The following LGALS1 variants were observed in gnomAD, a reference collection of about 807,000 sequenced individuals.
The protein encoded by LGALS1 is galectin 1.
A neutral mutation model predicts 14.4 loss-of-function variants in LGALS1; 14 were observed. The ratio of observed to expected loss-of-function variants is 0.97; its 90% CI spans 0.64 to 1.52. The LOEUF (loss-of-function observed/expected upper bound fraction) is 1.52, where lower values mean the gene tolerates loss of function less well. LGALS1 is among the 40% of genes most tolerant of loss of function. The probability of loss-of-function intolerance (pLI) is 0.00; values close to 1 mark genes in which losing one functional copy is unlikely to be tolerated. For synonymous variants in LGALS1, 71 were observed against 73.4 expected (o/e 0.97, Z 0.17); for missense variants, 170 against 181.4 (o/e 0.94, Z 0.36).
intron 2 of LGALS1, 131 bp downstream of exon 2, chr22:37,677,196 C>T: frequency 1.2e-6 from 1 of 869,364 alleles, no homozygotes; most frequent in Non-Finnish European, 1.8e-6. Context: ...GCTGCGTTTT[C>T]TGGGTGACTC....
Position 37,676,782 on chromosome 22 carries a change from G to C in LGALS1, c.10-204G>C, listed in dbSNP as rs1921441575. 4 of 649,720 alleles carry C rather than the reference G, an allele frequency of 6.2e-6. No homozygotes were observed. The Admixed American group carries it at 9.5e-5, about 15-fold the overall frequency. The allele number at this position is 649,720 out of a possible 1,614,324, so 40.2% of individuals were successfully genotyped here. A position where few individuals can be genotyped will look rare whatever the true frequency, so the allele number is the denominator to read the frequency against. On this transcript the variant is annotated intron_variant, in intron 1 of 3. Transcript: ENST00000215909. Reference sequence around the variant, plus strand: ...CACGTTACAGACTGAAGCCAACCCCGGTGGGAATAGGGACTTTCCCAGGAC... The same window carrying C: ...CACGTTACAGACTGAAGCCAACCCCCGTGGGAATAGGGACTTTCCCAGGAC...
intron 3 of LGALS1, 23 bp downstream of exon 3, chr22:37,678,677 G>A (rs1483302449): frequency 9.2e-7 from 1 of 1,081,486 alleles, no homozygotes; most frequent in South Asian, 1.3e-5. Flanking sequence ...CCGGAACCGG[G>A]GACCAGGGAC....
intron 1 of LGALS1, 121 bp from the exon 2 acceptor site, chr22:37,676,865 T>G: frequency 1.1e-6 from 1 of 922,704 alleles, no homozygotes; most frequent in Non-Finnish European, 1.8e-6. Context: ...GGCTTCCCCT[T>G]GGCTTGGTCA....
intron 1 of LGALS1, chr22:37,676,327 T>G (rs945018072): frequency 6.5e-6 from 1 of 152,808 alleles, no homozygotes; most frequent in Non-Finnish European, 1.5e-5. Flanking sequence ...GGGTTCAAGT[T>G]TCTGGCAGAA....
chr22:37,678,441 G>A, intron 2 of LGALS1, 42 bp from the exon 3 acceptor site: 1 of 1,609,788 alleles, frequency 6.2e-7, no homozygotes, highest in Non-Finnish European at 8.5e-7. Context: ...AGTGGGGCTG[G>A]AGCTGGCCGA....
chr22:37,676,842 A>G, intron 1 of LGALS1, 144 bp from the exon 2 acceptor site: 1 of 804,114 alleles, frequency 1.2e-6, no homozygotes, highest in South Asian at 1.5e-5. Context: ...ATTACAGCTC[A>G]ATCCTTTCCC....
intron 2 of LGALS1, chr22:37,677,302 G>A (rs1303228040): frequency 3.7e-6 from 2 of 547,264 alleles, no homozygotes; most frequent in Admixed American, 3.1e-5. Context: ...CTGCAGCCTC[G>A]TCATCTGTAA....
intron 1 of LGALS1, among the ~76,000 whole-genome samples, chr22:37,676,375 C>T (rs1040334928): frequency 6.6e-6 from 1 of 152,168 alleles, no homozygotes; most frequent in Admixed American, 6.5e-5. Flanking sequence ...CCCACCCACT[C>T]GGGGTGCCAG....
chr22:37,679,571 G>C, intron 3 of LGALS1, 32 bp from the exon 4 acceptor site: 1 of 1,549,230 alleles, frequency 6.5e-7, no homozygotes. Context: ...CATGGCATGT[G>C]GGCCCGGCTC....
chr22:37,676,033 T>C (rs1921412742), intron 1 of LGALS1: 3 of 280,668 alleles, frequency 1.1e-5, no homozygotes, highest in Non-Finnish European at 2.0e-5. Flanking sequence ...CCCAGGCCAC[T>C]ATCCCTTTCC....
In LGALS1 at chr22:37,677,058, G is replaced by A. The variant is rs758651011; in HGVS notation, c.82G>A (p.Ala28Thr). 14 of 1,613,828 alleles carry A rather than the reference G, an allele frequency of 8.7e-6. No homozygotes were observed. In the Admixed American group the frequency reaches 1.8e-4, roughly 21 times the overall value. The part of the protein sequence containing the change: ...LRVRGEVAPD[A>T]KSFVLNLGKD... Reference sequence around the variant, plus strand: ...AGTGCGAGGCGAGGTGGCTCCTGACGCTAAGAGGTGAGAAGTGAAGTCGGG... The same window carrying A: ...AGTGCGAGGCGAGGTGGCTCCTGACACTAAGAGGTGAGAAGTGAAGTCGGG... The change falls in exon 2 of 4, where the codon GCT becomes ACT. Residue 28 changes from alanine (A) to threonine (T), a missense_variant. By Grantham distance (58) the Ala-to-Thr change is moderately conservative (BLOSUM62 0). Coordinates refer to ENST00000215909, the MANE Select transcript of LGALS1 (RefSeq NM_002305.4).
Position 37,676,846 on chromosome 22 carries a change from C to T in LGALS1, c.10-140C>T, listed in dbSNP as rs1209685524. The T allele has an allele frequency of 3.7e-6, 3 of 821,570 alleles. No individual in the cohort carries two copies. In the African/African-American group the frequency reaches 5.1e-5, roughly 14 times the overall value. 50.9% of individuals were successfully genotyped at this position (821,570 alleles called of 1,614,324 possible). The stretch of plus-strand genomic sequence containing the variant: ...GGAGGCTGGAAATTACAGCTCAATC[C>T]TTTCCCCAGGCTTCCCCTTGGCTTG... On this transcript the variant is annotated intron_variant, in intron 1 of 3. Coordinates refer to ENST00000215909, the MANE Select transcript of LGALS1 (RefSeq NM_002305.4).
Position 37,678,627 on chromosome 22 carries a change from T to G in LGALS1, c.234T>G (p.Phe78Leu). ...AWGTEQREAV[F>L]PFQPGSVAEV... The stretch of plus-strand genomic sequence containing the variant: ...GGACCGAGCAGCGGGAGGCTGTCTT[T>G]CCCTTCCAGCCTGGAAGTGTTGCAG... Residue 78 changes from phenylalanine (F) to leucine (L), a missense_variant, in exon 3 of 4, where the codon TTT becomes TTG. Transcript: ENST00000215909. The G allele has an allele frequency of 3.6e-6, 5 of 1,382,058 alleles. No individual in the cohort carries two copies. Among genetic ancestry groups the G allele is most frequent in the Non-Finnish European group, 4.8e-6 (5 of 1,039,936 alleles). 85.6% of individuals were successfully genotyped at this position (1,382,058 alleles called of 1,614,324 possible).
chr22:37,678,722 T>C (rs1038906191), intron 3 of LGALS1, 68 bp downstream of exon 3: 1 of 1,439,816 alleles, frequency 6.9e-7, no homozygotes, highest in Non-Finnish European at 9.3e-7. Context: ...GCTGGGTTAG[T>C]GACTAGAGAC....
rs756425191 is a variant in LGALS1, at chr22:37,679,722, C to A, written c.381C>A (p.Phe127Leu). ...AINYMAADGD[F>L]KIKCVAFD is the part of the protein sequence containing the mutation. ...ACTACATGGCAGCTGACGGTGACTT[C>A]AAGATCAAATGTGTGGCCTTTGACT... is the stretch of plus-strand genomic sequence containing the variant. Residue 127 changes from phenylalanine (F) to leucine (L), a missense_variant, in exon 4 of 4, where the codon TTC (phenylalanine) becomes TTA (leucine). Physicochemically the swap from Phe to Leu is conservative, Grantham distance 22. Transcript: ENST00000215909. The A allele has an allele frequency of 1.9e-5, 31 of 1,606,566 alleles. No individual in the cohort carries two copies. The highest frequency in any genetic ancestry group is 2.5e-5 in the Non-Finnish European group (30 of 1,176,526).
chr22:37,679,534 A>C, intron 3 of LGALS1, 69 bp from the exon 4 acceptor site: 2 of 1,406,314 alleles, frequency 1.4e-6, no homozygotes, highest in Non-Finnish European at 1.9e-6. Flanking sequence ...TGTCAGGGCC[A>C]CATGAGGAAC....
chr22:37,678,392 G>C (rs750386573), intron 2 of LGALS1, 91 bp from the exon 3 acceptor site: 1 of 1,403,666 alleles, frequency 7.1e-7, no homozygotes, highest in Non-Finnish European at 1.0e-6. Context: ...CTTCCAGCAA[G>C]GTGCGTTCAT....
chr22:37,677,413 C>G, intron 2 of LGALS1: 1 of 312,722 alleles, frequency 3.2e-6, no homozygotes, highest in South Asian at 3.1e-5. Context: ...CCGCCTTCCC[C>G]CTGAGTCCCT....
At chr22:37,678,251 A>T in intron 2 of LGALS1, 1 of 665,410 alleles carries the variant, frequency 1.5e-6, no homozygotes, top group South Asian at 1.5e-5. Flanking sequence ...TAGGATGCTA[A>T]TGACTTCAAG....
Sources: allele counts gnomAD v4.1 joint callset (sites outside exome capture counted in the v4.1 genomes callset), GRCh38; gene constraint gnomAD v4.1.1; transcripts MANE v1.5; gene names NCBI Gene and HGNC (gene_info 2026-07-23, HGNC 2026-07-21).